Variants in NR2F6 observed in about 807,000 individuals in gnomAD.
NR2F6 encodes the protein ERBA-related gene-2.
In NR2F6, 16 loss-of-function variants were observed where a neutral mutation model predicts 26.5. That is an observed-to-expected ratio of 0.60 (90% CI 0.41 to 0.92). The LOEUF is 0.92. Ranked by LOEUF, NR2F6 falls within the 40% of genes least tolerant of loss-of-function variation. NR2F6 has a pLI of 0.00. For missense variants in NR2F6, 536 were observed against 631.7 expected (o/e 0.85, Z 1.62); for synonymous variants, 325 against 305.0 (o/e 1.07, Z -0.68).
rs897544144 is a variant in NR2F6 at position 17,235,492 on chromosome 19, G to A, written c.940+7C>T. 5 of 1,579,218 alleles carry A rather than the reference G, an allele frequency of 3.2e-6. No homozygotes were observed. Among genetic ancestry groups the A allele is most frequent in the Non-Finnish European group, 3.4e-6 (4 of 1,169,212 alleles). On this transcript the variant is annotated splice_region_variant and intron_variant, in intron 3 of 3. Coordinates refer to ENST00000291442, the MANE Select transcript of NR2F6 (RefSeq NM_005234.4). The surrounding 1 kb of genome is among the most constrained non-coding windows in gnomAD (Gnocchi z 5.0). ...CATCCCGCGGCCCTCTTCGGAGCGT[G>A]GCTCACCGGGCGTGAAGAGCGCGAT...
chr19:17,233,830 C>T (rs2145562586), intron 3 of NR2F6, among the ~76,000 whole-genome samples: 1 of 151,472 alleles, frequency 6.6e-6, no homozygotes, highest in East Asian at 2.0e-4. Flanking sequence ...GAAGGTGGGG[C>T]TGGGAAGGGA....
chr19:17,245,413 TC>T lies in NR2F6; in HGVS notation c.-194del. On this transcript the variant is annotated 5_prime_UTR_variant, in exon 1 of 4. Transcript: ENST00000291442. This position sits in a 1 kb window ranked among gnomAD's most constrained non-coding sequence, Gnocchi z 5.0. ...CCCGGGCGGAACTGGTCGGGCCGGT[TC>T]CAGGCCAACTTTCCCACGCGTGCGC... 2.8e-6 allele frequency: 1 copy of T among 362,860 alleles called. No individual in the cohort carries two copies. Among genetic ancestry groups the T allele is most frequent in the Non-Finnish European group, 4.4e-6 (1 of 226,090 alleles). 22.5% of individuals were successfully genotyped at this position (362,860 alleles called of 1,614,324 possible). A position where few individuals can be genotyped will look rare whatever the true frequency, so the allele number is the denominator to read the frequency against.
intron 2 of NR2F6, among the ~76,000 whole-genome samples, chr19:17,238,663 G>C (rs2073452233): frequency 6.6e-6 from 1 of 152,052 alleles, no homozygotes; most frequent in East Asian, 1.9e-4. Context: ...ATGGGGGCAG[G>C]GACAAGAAAG....
Position 17,235,492 on chromosome 19 carries a change from G to T in NR2F6, c.940+7C>A. ...CATCCCGCGGCCCTCTTCGGAGCGT[G>T]GCTCACCGGGCGTGAAGAGCGCGAT... On this transcript the variant is annotated splice_region_variant and intron_variant, in intron 3 of 3. Coordinates refer to ENST00000291442, the MANE Select transcript of NR2F6 (RefSeq NM_005234.4). The surrounding 1 kb of genome is among the most constrained non-coding windows in gnomAD (Gnocchi z 5.0). 1 of 1,579,336 alleles carries T rather than the reference G, an allele frequency of 6.3e-7. No individual in the cohort carries two copies.
At position 17,235,726 on chromosome 19, in the gene NR2F6, C is replaced by T; in HGVS notation, c.713G>A (p.Ser238Asn). ...VADQVALLRL[S>N]WSELFVLNAA... The stretch of plus-strand genomic sequence containing the variant: ...GTTCAGCACGAAGAGCTCGCTCCAG[C>T]TCAGGCGCAGCAGCGCCACCTGGTC... Residue 238 changes from serine (S) to asparagine (N), a missense_variant, in exon 3 of 4, where the codon AGC becomes AAC. Coordinates refer to ENST00000291442, the MANE Select transcript of NR2F6 (RefSeq NM_005234.4). This position sits in a 1 kb window ranked among gnomAD's most constrained non-coding sequence, Gnocchi z 5.0. 6.7e-7 allele frequency: 1 copy of T among 1,502,042 alleles called. No homozygotes were observed. Among genetic ancestry groups the T allele is most frequent in the Non-Finnish European group, 8.8e-7 (1 of 1,134,270 alleles). 93.0% of individuals were successfully genotyped at this position (1,502,042 alleles called of 1,614,324 possible).
intron 2 of NR2F6, among the ~76,000 whole-genome samples, chr19:17,240,004 G>A (rs2073460635): frequency 6.6e-6 from 1 of 152,138 alleles, no homozygotes; most frequent in Non-Finnish European, 1.5e-5. Flanking sequence ...AGAAATCCAT[G>A]CAGAAATCTC....
Position 17,245,232 on chromosome 19 carries a change from A to G in NR2F6, c.-12T>C. ...GTCACCATGGCCATAGCCCCAGGGC[A>G]GCGGGGCCGGGGCGCCCCCACCGCG... On this transcript the variant is annotated 5_prime_UTR_variant, in exon 1 of 4. Coordinates refer to ENST00000291442, the MANE Select transcript of NR2F6 (RefSeq NM_005234.4). This position sits in a 1 kb window ranked among gnomAD's most constrained non-coding sequence, Gnocchi z 5.0. The G allele has an allele frequency of 7.9e-7, 1 of 1,270,668 alleles. No homozygotes were observed. Among genetic ancestry groups the G allele is most frequent in the Non-Finnish European group, 9.9e-7 (1 of 1,011,626 alleles). The allele number at this position is 1,270,668 out of a possible 1,614,324, so 78.7% of individuals were successfully genotyped here.
chr19:17,237,819 C>T (rs1025848698), intron 2 of NR2F6, among the ~76,000 whole-genome samples: 2 of 152,154 alleles, frequency 1.3e-5, no homozygotes, highest in African/African-American at 2.4e-5. Flanking sequence ...GACAAATGGC[C>T]TCACCAATCT....
rs1348337120 is a variant in NR2F6 at position 17,235,084 on chromosome 19, G to A, written c.940+415C>T. On this transcript the variant is annotated intron_variant, in intron 3 of 3. Transcript: ENST00000291442. This position sits in a 1 kb window ranked among gnomAD's most constrained non-coding sequence, Gnocchi z 5.0. ...CCTGGGAGCCCAGTGGGGGCCTGAG[G>A]GGGCCAGAACCAGGGGGTCAGGACC... 1.3e-5 allele frequency among the ~76,000 whole-genome samples: 2 copies of A among 152,202 alleles called. No homozygotes were observed. The highest frequency in any genetic ancestry group is 1.3e-4 in the Admixed American group (2 of 15,284).
chr19:17,232,364 G>A lies in NR2F6; in HGVS notation c.1203C>T (p.Gly401=). 2.5e-6 allele frequency: 4 copies of A among 1,613,876 alleles called. No homozygotes were observed. The highest frequency in any genetic ancestry group is 1.3e-5 in the African/African-American group (1 of 75,066). ...GGCCCCGTCATGGTCACTGGCCCGA[G>A]CCGTAGGGCCAGTTGAAGGTACTCC... ...LSGSTFNWPY[G]SGQ Residue 401 remains glycine, a synonymous_variant, in exon 4 of 4, where the codon GGC becomes GGT. Coordinates refer to ENST00000291442, the MANE Select transcript of NR2F6 (RefSeq NM_005234.4).
chr19:17,234,892 GA>G (rs932496892), intron 3 of NR2F6, among the ~76,000 whole-genome samples: 18 of 151,262 alleles, frequency 1.2e-4, no homozygotes, highest in South Asian at 2.1e-4. Flanking sequence ...AAATAAAGTG[GA>G]AAAAAAAAAT....
chr19:17,241,759 C>A (rs2145568308), intron 1 of NR2F6, among the ~76,000 whole-genome samples: 1 of 152,358 alleles, frequency 6.6e-6, no homozygotes, highest in East Asian at 1.9e-4. Context: ...TGGCTCACGC[C>A]TGTAATCCCA....
rs903847387 is a variant in NR2F6 at position 17,235,380 on chromosome 19, G to A, written c.940+119C>T. The A allele has an allele frequency of 4.1e-6, 6 of 1,478,836 alleles. No individual in the cohort carries two copies. The African/African-American group carries it at 8.6e-5, about 21-fold the overall frequency. The allele number at this position is 1,478,836 out of a possible 1,614,324, so 91.6% of individuals were successfully genotyped here. A position where few individuals can be genotyped will look rare whatever the true frequency, so the allele number is the denominator to read the frequency against. On this transcript the variant is annotated intron_variant, in intron 3 of 3. Transcript: ENST00000291442. The surrounding 1 kb of genome is among the most constrained non-coding windows in gnomAD (Gnocchi z 5.0). ...AGCGTTCACTCACGGCGCGTGCAGGGCCCCAGGCCTAGGGAGCGAGCGGGG... is the reference window on the plus strand; with the variant it reads ...AGCGTTCACTCACGGCGCGTGCAGGACCCCAGGCCTAGGGAGCGAGCGGGG...
At position 17,245,303 on chromosome 19, in the gene NR2F6, C is replaced by T; in HGVS notation, c.-83G>A. 8.8e-7 allele frequency: 1 copy of T among 1,136,908 alleles called. No homozygotes were observed. The highest frequency in any genetic ancestry group is 4.2e-5 in the South Asian group (1 of 23,574). 70.4% of individuals were successfully genotyped at this position (1,136,908 alleles called of 1,614,324 possible). ...TCTCGGCCCGGGGGACCCTACGCGG[C>T]GCGCATTCGGCCCCGGCGCGCGGGG... On this transcript the variant is annotated 5_prime_UTR_variant, in exon 1 of 4. Coordinates refer to ENST00000291442, the MANE Select transcript of NR2F6 (RefSeq NM_005234.4). This position sits in a 1 kb window ranked among gnomAD's most constrained non-coding sequence, Gnocchi z 5.0.
At chr19:17,232,752 G>A in intron 3 of NR2F6, 126 bp from the exon 4 acceptor site, 1 of 1,166,860 alleles carries the variant, frequency 8.6e-7, no homozygotes, top group Non-Finnish European at 1.2e-6. Context: ...ATGGCTCACG[G>A]CCACAGTCCC....
chr19:17,245,207 G>C lies in NR2F6; in HGVS notation c.14C>G (p.Thr5Ser). 1.5e-6 allele frequency: 2 copies of C among 1,370,484 alleles called. No homozygotes were observed. Among genetic ancestry groups the C allele is most frequent in the Non-Finnish European group, 1.9e-6 (2 of 1,060,612 alleles). The allele number at this position is 1,370,484 out of a possible 1,614,324, so 84.9% of individuals were successfully genotyped here. A position where few individuals can be genotyped will look rare whatever the true frequency, so the allele number is the denominator to read the frequency against. The part of the protein sequence containing the change: MAMV[T>S]GGWGGPGGDT... ...GCCGCCGGGGCCGCCCCAGCCGCCG[G>C]TCACCATGGCCATAGCCCCAGGGCA... The change falls in exon 1 of 4, where the codon ACC becomes AGC. Residue 5 changes from threonine (T) to serine (S), a missense_variant. Transcript: ENST00000291442. The surrounding 1 kb of genome is among the most constrained non-coding windows in gnomAD (Gnocchi z 5.0).
At position 17,245,740 on chromosome 19, in the gene NR2F6, C is replaced by A. The variant is rs888250501; in HGVS notation, c.-520G>T. 2.1e-5 allele frequency: 3 copies of A among 145,374 alleles called. No individual in the cohort carries two copies. Among genetic ancestry groups the A allele is most frequent in the Non-Finnish European group, 4.6e-5 (3 of 65,434 alleles). 9.0% of individuals were successfully genotyped at this position (145,374 alleles called of 1,614,324 possible). A position where few individuals can be genotyped will look rare whatever the true frequency, so the allele number is the denominator to read the frequency against. On this transcript the variant is annotated 5_prime_UTR_variant, in exon 1 of 4. Transcript: ENST00000291442. The surrounding 1 kb of genome is among the most constrained non-coding windows in gnomAD (Gnocchi z 5.0). ...GGGCTGATCGCCGCGCCCCCTGGGT[C>A]CCCCGGCGCCCGCGGCTGCCGCTCC...
intron 3 of NR2F6, among the ~76,000 whole-genome samples, chr19:17,234,415 G>A (rs560036501): frequency 3.9e-5 from 6 of 152,082 alleles, no homozygotes; most frequent in Non-Finnish European, 7.3e-5. Context: ...ACAGGCCTGA[G>A]CCACCTTGCA....
intron 1 of NR2F6, among the ~76,000 whole-genome samples, chr19:17,241,794 G>A (rs1315186861): frequency 2.6e-5 from 4 of 152,084 alleles, no homozygotes; most frequent in Non-Finnish European, 5.9e-5. Context: ...GGGGGAGGGT[G>A]GATCACCTGA....
Sources: gnomAD v4.1 joint callset for allele counts (sites outside exome capture counted in the v4.1 genomes callset) on GRCh38, gnomAD v4.1.1 for gene constraint, Gnocchi (gnomAD v3.1) non-coding constraint, MANE v1.5 for transcripts, NCBI Gene and HGNC (gene_info 2026-07-23, HGNC 2026-07-21) for gene names.